CNGB3: variants seen among roughly 807,000 people sequenced by gnomAD.
CNGB3 encodes the protein cyclic nucleotide-gated channel beta-3.
Under a neutral mutation model 92.8 loss-of-function variants are expected in CNGB3, and 86 were observed. The ratio of observed to expected loss-of-function variants is 0.93; its 90% CI spans 0.78 to 1.11. The LOEUF (loss-of-function observed/expected upper bound fraction) is 1.11, where lower values mean the gene tolerates loss of function less well. Among genes scored for constraint, CNGB3 ranks in the 50% least tolerant of loss-of-function variants. CNGB3 has a pLI of 0.00. For synonymous variants in CNGB3, 333 were observed against 332.7 expected, an observed-to-expected ratio of 1.00 and a Z score of -0.01; for missense variants, 1,026 against 956.8, an observed-to-expected ratio of 1.07 and a Z score of -0.95.
intron 3 of CNGB3, among the ~76,000 whole-genome samples, chr8:86,714,923 C>T (rs979738827): frequency 6.6e-6 from 1 of 152,040 alleles, no homozygotes; most frequent in Non-Finnish European, 1.5e-5. Context: ...GCCATAATCC[C>T]CCTGGGAATA....
intron 14 of CNGB3, among the ~76,000 whole-genome samples, chr8:86,609,546 C>A (rs535422289): frequency 3.7e-4 from 56 of 152,326 alleles, no homozygotes; most frequent in Middle Eastern, 3.4e-3. Context: ...TAGAGCTCTT[C>A]AAAGTTAGAG....
At chr8:86,594,310 G>C (rs141934970) in intron 15 of CNGB3, 110 of 312,744 alleles carry the variant, frequency 3.5e-4, no homozygotes, top group African/African-American at 2.4e-3. Context: ...AGTGGGAGAA[G>C]TCTACACCTG....
chr8:86,712,004 A>G (rs756134872), intron 3 of CNGB3, among the ~76,000 whole-genome samples: 1 of 151,962 alleles, frequency 6.6e-6, no homozygotes, highest in Non-Finnish European at 1.5e-5. Context: ...TACCTGATAT[A>G]TTGGTTACTT....
At chr8:86,628,089 T>G (rs1822884104) in intron 12 of CNGB3, among the ~76,000 whole-genome samples, 1 of 152,164 alleles carries the variant, frequency 6.6e-6, no homozygotes, top group African/African-American at 2.4e-5. Flanking sequence ...CATACAAAAT[T>G]TGTGTTAATA....
At chr8:86,728,811 C>T (rs576287383) in intron 2 of CNGB3, among the ~76,000 whole-genome samples, 15 of 151,972 alleles carry the variant, frequency 9.9e-5, no homozygotes, top group Non-Finnish European at 1.6e-4. Context: ...AAAATTAGGA[C>T]TGATAAAGAA....
At chr8:86,594,420 C>T (rs1419947959) in intron 15 of CNGB3, 6 of 287,516 alleles carry the variant, frequency 2.1e-5, no homozygotes, top group East Asian at 1.3e-4. Context: ...TTGCTCCTGA[C>T]GAAATCCACT....
At chr8:86,717,435 T>C (rs1824876595) in intron 3 of CNGB3, among the ~76,000 whole-genome samples, 1 of 151,920 alleles carries the variant, frequency 6.6e-6, no homozygotes. Context: ...TGGTGGCGTG[T>C]GCCTGTAATC....
chr8:86,695,923 A>G (rs1824441087), intron 3 of CNGB3, among the ~76,000 whole-genome samples: 1 of 151,922 alleles, frequency 6.6e-6, no homozygotes, highest in South Asian at 2.1e-4. Context: ...GTTCTTCTGA[A>G]TCCAGCCACC....
intron 13 of CNGB3, among the ~76,000 whole-genome samples, chr8:86,612,581 A>G (rs1483900470): frequency 1.3e-5 from 2 of 152,174 alleles, no homozygotes; most frequent in Non-Finnish European, 1.5e-5. Flanking sequence ...TTCCTTTAGC[A>G]ATCACCAGTT....
intron 6 of CNGB3, chr8:86,659,806 C>A: frequency 2.6e-6 from 1 of 387,648 alleles, no homozygotes; most frequent in South Asian, 2.1e-5. Context: ...GCTTTCTTTT[C>A]TTCTTCCAGT....
At chr8:86,654,216 T>C (rs753443708) in intron 6 of CNGB3, among the ~76,000 whole-genome samples, 154 bp from the exon 7 acceptor site, 2 of 152,222 alleles carry the variant, frequency 1.3e-5, no homozygotes, top group Non-Finnish European at 2.9e-5. Flanking sequence ...AAAAAATGTT[T>C]GGCTTTAGTT....
At chr8:86,660,250 T>G (rs1416293709) in intron 6 of CNGB3, 1 of 307,334 alleles carries the variant, frequency 3.3e-6, no homozygotes, top group Non-Finnish European at 6.5e-6. Context: ...AATGTTTTCT[T>G]GGCCACAGCC....
At chr8:86,656,755 T>G (rs1202043906) in intron 6 of CNGB3, among the ~76,000 whole-genome samples, 1 of 152,170 alleles carries the variant, frequency 6.6e-6, no homozygotes, top group African/African-American at 2.4e-5. Flanking sequence ...AATCCATTTA[T>G]TCCAAAAGAA....
At position 86,695,998 on chromosome 8, in the gene CNGB3, C is replaced by A. The variant is rs562467429; in HGVS notation, c.339-24900G>T. ...TCTGAAAAGTGTCCTGTGATTTGAT[C>A]TATCTTCAGGTCTCCCAGCCATGGA... On this transcript the variant is annotated intron_variant, in intron 3 of 17. Transcript: ENST00000320005. Among the ~76,000 whole-genome samples, 16 of 152,274 alleles carry A rather than the reference C, an allele frequency of 1.1e-4. No individual in the cohort carries two copies. The South Asian group carries it at 3.1e-3, about 30-fold the overall frequency.
intron 3 of CNGB3, among the ~76,000 whole-genome samples, chr8:86,671,548 C>A (rs1823862946): frequency 6.6e-6 from 1 of 152,196 alleles, no homozygotes. Flanking sequence ...ATAGGTGGGC[C>A]TGATCTAATC....
Position 86,657,018 on chromosome 8 carries a change from C to T in CNGB3, c.853-2956G>A, listed in dbSNP as rs544089238. Among the ~76,000 whole-genome samples, 19 of 152,282 alleles carry T rather than the reference C, an allele frequency of 1.2e-4. 2 individuals carry two copies. The South Asian group carries it at 3.7e-3, about 30-fold the overall frequency. ...CCACCCCCAGCAGCCTGTTCTCTTG[C>T]CTGGTCTACATTTAGCCCCATTGTC... On this transcript the variant is annotated intron_variant, in intron 6 of 17. Coordinates refer to ENST00000320005, the MANE Select transcript of CNGB3 (RefSeq NM_019098.5).
intron 3 of CNGB3, among the ~76,000 whole-genome samples, chr8:86,710,698 C>T (rs543430706): frequency 6.6e-6 from 1 of 152,164 alleles, no homozygotes; most frequent in South Asian, 2.1e-4. Context: ...TAAATCCTGT[C>T]AGACAAAAAA....
chr8:86,602,797 T>C (rs1822333410), intron 15 of CNGB3, among the ~76,000 whole-genome samples: 1 of 152,232 alleles, frequency 6.6e-6, no homozygotes, highest in South Asian at 2.1e-4. Flanking sequence ...TGAAGTCGTC[T>C]TTTAAAATAA....
chr8:86,648,013 G>A lies in CNGB3; in HGVS notation c.904-126C>T, dbSNP rs557955836. The A allele has an allele frequency of 1.5e-5, 11 of 730,332 alleles. No individual in the cohort carries two copies. The East Asian group carries it at 1.6e-4, about 10-fold the overall frequency. The allele number at this position is 730,332 out of a possible 1,614,324, so 45.2% of individuals were successfully genotyped here. On this transcript the variant is annotated intron_variant, in intron 7 of 17. Transcript: ENST00000320005. Reference sequence around the variant, plus strand: ...ATTATTTGTTGTTTAATCCAAAACTGCTTTCAATTAACTATGCATGGGGCT... The same window carrying A: ...ATTATTTGTTGTTTAATCCAAAACTACTTTCAATTAACTATGCATGGGGCT...
Sources: gnomAD v4.1 joint callset for allele counts (sites outside exome capture counted in the v4.1 genomes callset) on GRCh38, gnomAD v4.1.1 for gene constraint, MANE v1.5 for transcripts, NCBI Gene and HGNC (gene_info 2026-07-23, HGNC 2026-07-21) for gene names.